The following RBM7 variants were observed in gnomAD, a reference collection of about 807,000 sequenced individuals.
RBM7 encodes RNA binding motif protein 7.
Under a neutral mutation model 31.0 loss-of-function variants are expected in RBM7, and 13 were observed. The ratio of observed to expected loss-of-function variants is 0.42; its 90% CI spans 0.27 to 0.67. The LOEUF is 0.67. Ranked by LOEUF, RBM7 falls within the 30% of genes least tolerant of loss-of-function variation. The pLI is 0.24. For missense variants in RBM7, 245 were observed against 326.2 expected (o/e 0.75, Z 1.92); for synonymous variants, 106 against 111.2 (o/e 0.95, Z 0.30).
intron 3 of RBM7, among the ~76,000 whole-genome samples, chr11:114,403,221 C>A (rs1946227524): frequency 6.6e-6 from 1 of 152,192 alleles, no homozygotes; most frequent in African/African-American, 2.4e-5. Context: ...AACAAAATTT[C>A]TCAAAACATT....
At position 114,400,685 on chromosome 11, in the gene RBM7, C is replaced by T. The variant is rs368320968; in HGVS notation, c.14C>T (p.Ala5Val). Residue 5 changes from alanine to valine, a missense_variant, in exon 1 of 5, where the codon GCG (alanine) becomes GTG (valine). Coordinates refer to ENST00000375490, the MANE Select transcript of RBM7 (RefSeq NM_001286045.2). ...GGCGACGCTGAGATGGGGGCGGCGG[C>T]GGCGGAAGCGGATCGCACTCTCTTT... MGAA[A>V]AEADRTLFVG... 3 of 1,614,206 alleles carry T rather than the reference C, an allele frequency of 1.9e-6. No homozygotes were observed. The highest frequency in any genetic ancestry group is 1.3e-5 in the African/African-American group (1 of 75,062).
At chr11:114,402,550 C>T (rs193078923) in intron 2 of RBM7, among the ~76,000 whole-genome samples, 14 of 151,536 alleles carry the variant, frequency 9.2e-5, no homozygotes, top group Non-Finnish European at 1.8e-4. Context: ...ATTACAGGTG[C>T]ACGCCACCAC....
rs1946312326 is a variant in RBM7 at position 114,409,557 on chromosome 11, TG to T, written c.*1754del. The T allele has an allele frequency of 6.6e-6, 1 of 152,036 alleles. No individual in the cohort carries two copies. The highest frequency in any genetic ancestry group is 6.6e-5 in the Admixed American group (1 of 15,256). The allele number at this position is 152,036 out of a possible 1,614,324, so 9.4% of individuals were successfully genotyped here. ...CTAGTTTTTGTATTTTTAGTAGAGA[TG>T]GGGTTTCACCACATTGGCCAGGCTG... On this transcript the variant is annotated 3_prime_UTR_variant, in exon 5 of 5. Coordinates refer to ENST00000375490, the MANE Select transcript of RBM7 (RefSeq NM_001286045.2).
chr11:114,410,371 A>G lies in RBM7; in HGVS notation c.*2564A>G, dbSNP rs571649663. The G allele has an allele frequency of 6.6e-6, 1 of 152,244 alleles. No individual in the cohort carries two copies. The highest frequency in any genetic ancestry group is 1.5e-5 in the Non-Finnish European group (1 of 68,020). 9.4% of individuals were successfully genotyped at this position (152,244 alleles called of 1,614,324 possible). Reference sequence around the variant, plus strand: ...CTTTATACTTAACCTAGTATTTTCTACCTTTCCCCATCTAAAATAAAATTT... The same window carrying G: ...CTTTATACTTAACCTAGTATTTTCTGCCTTTCCCCATCTAAAATAAAATTT... On this transcript the variant is annotated 3_prime_UTR_variant, in exon 5 of 5. Transcript: ENST00000375490.
intron 1 of RBM7, among the ~76,000 whole-genome samples, chr11:114,401,142 T>C (rs1304499005): frequency 6.6e-6 from 1 of 152,242 alleles, no homozygotes; most frequent in Non-Finnish European, 1.5e-5. Flanking sequence ...GGGAACTTAA[T>C]ATTTTAATTT....
In RBM7 at chr11:114,407,973, T is replaced by G. The variant is rs1946289227; in HGVS notation, c.*166T>G. 1 of 761,558 alleles carries G rather than the reference T, an allele frequency of 1.3e-6. No individual in the cohort carries two copies. Among genetic ancestry groups the G allele is most frequent in the African/African-American group, 1.8e-5 (1 of 56,994 alleles). 47.2% of individuals were successfully genotyped at this position (761,558 alleles called of 1,614,324 possible). On this transcript the variant is annotated 3_prime_UTR_variant, in exon 5 of 5. Coordinates refer to ENST00000375490, the MANE Select transcript of RBM7 (RefSeq NM_001286045.2). Reference sequence around the variant, plus strand: ...TTTAATACAAAATGAATTGCGGTTTTATTACATTAATAACCTTTCACCTCA... The same window carrying G: ...TTTAATACAAAATGAATTGCGGTTTGATTACATTAATAACCTTTCACCTCA...
rs553247657 is a variant in RBM7 at position 114,407,690 on chromosome 11, C to T, written c.687C>T (p.Tyr229=). 3.7e-6 allele frequency: 6 copies of T among 1,614,098 alleles called. No individual in the cohort carries two copies. The East Asian group carries it at 1.1e-4, about 30-fold the overall frequency. ...RYTDHGSDHH[Y]RGKRDDFFYE... Reference sequence around the variant, plus strand: ...CTGATCATGGGTCTGACCATCATTACAGAGGAAAGAGAGATGATTTCTTCT... The same window carrying T: ...CTGATCATGGGTCTGACCATCATTATAGAGGAAAGAGAGATGATTTCTTCT... Residue 229 remains tyrosine (Y), a synonymous_variant, in exon 5 of 5, where the codon TAC becomes TAT. Coordinates refer to ENST00000375490, the MANE Select transcript of RBM7 (RefSeq NM_001286045.2).
Position 114,407,498 on chromosome 11 carries a change from T to A in RBM7, c.495T>A (p.Pro165=). Residue 165 remains proline, a synonymous_variant, in exon 5 of 5, where the codon CCT becomes CCA. Coordinates refer to ENST00000375490, the MANE Select transcript of RBM7 (RefSeq NM_001286045.2). ...ATGGTGGAAAATTTGGTTCTTCACC[T>A]CTGGATCAATCAGGATTTTCACCAT... ...MSYGGKFGSS[P]LDQSGFSPSV... is the part of the protein sequence containing the mutation. 5.6e-6 allele frequency: 9 copies of A among 1,614,208 alleles called. No homozygotes were observed. Among genetic ancestry groups the A allele is most frequent in the Non-Finnish European group, 7.6e-6 (9 of 1,180,008 alleles).
Position 114,401,751 on chromosome 11 carries a change from G to C in RBM7, c.150G>C (p.Lys50Asn), listed in dbSNP as rs1305853073. 2.5e-6 allele frequency: 4 copies of C among 1,586,362 alleles called. No homozygotes were observed. The highest frequency in any genetic ancestry group is 3.4e-6 in the Non-Finnish European group (4 of 1,169,746). Residue 50 changes from lysine to asparagine, a missense_variant, in exon 2 of 5, where the codon AAG becomes AAC. Coordinates refer to ENST00000375490, the MANE Select transcript of RBM7 (RefSeq NM_001286045.2). ...KIPKDKDGKPKQFAFVNFKHE... is the reference protein window; with the variant it reads ...KIPKDKDGKPNQFAFVNFKHE... Reference sequence around the variant, plus strand: ...CAAAAGATAAGGATGGTAAACCAAAGCAGTTTGCGTTTGTGAATTTCAAAC... The same window carrying C: ...CAAAAGATAAGGATGGTAAACCAAACCAGTTTGCGTTTGTGAATTTCAAAC...
intron 4 of RBM7, chr11:114,406,001 C>G: frequency 2.1e-6 from 1 of 481,662 alleles, no homozygotes; most frequent in Non-Finnish European, 3.6e-6. Context: ...AGATTGAGCA[C>G]TCATTTTAGT....
At chr11:114,401,162 T>A (rs1946194673) in intron 1 of RBM7, among the ~76,000 whole-genome samples, 1 of 152,218 alleles carries the variant, frequency 6.6e-6, no homozygotes, top group Non-Finnish European at 1.5e-5. Flanking sequence ...TATTTGTGTC[T>A]GTTTTCCCCT....
Position 114,405,766 on chromosome 11 carries a change from C to G in RBM7, c.408C>G (p.Phe136Leu), listed in dbSNP as rs1466312246. ...TSSAQIIQRS[F>L]SSPENFQRQA... ...CAGCACAGATAATTCAGAGATCTTT[C>G]TCTTCTCCAGAAAATTTTCAGAGAC... Residue 136 changes from phenylalanine (F) to leucine (L), a missense_variant, in exon 4 of 5, where the codon TTC becomes TTG. By Grantham distance (22) the Phe-to-Leu change is conservative. Transcript: ENST00000375490. 1.2e-6 allele frequency: 2 copies of G among 1,606,610 alleles called. No individual in the cohort carries two copies. Among genetic ancestry groups the G allele is most frequent in the Admixed American group, 3.4e-5 (2 of 58,810 alleles).
chr11:114,402,103 A>G (rs1946210079), intron 2 of RBM7: 2 of 405,266 alleles, frequency 4.9e-6, no homozygotes, highest in African/African-American at 2.1e-5. Context: ...CATAAACTGT[A>G]TCACTAAGAG....
chr11:114,401,655 C>T (rs778699710), intron 1 of RBM7, 43 bp from the exon 2 acceptor site: 5 of 1,393,512 alleles, frequency 3.6e-6, no homozygotes, highest in East Asian at 2.7e-5. Context: ...AGTATTTTCC[C>T]TTAGTTGCTT....
chr11:114,401,213 A>G (rs1946195239), intron 1 of RBM7, among the ~76,000 whole-genome samples: 1 of 152,294 alleles, frequency 6.6e-6, no homozygotes, highest in Middle Eastern at 3.4e-3. Flanking sequence ...AAAATATGTA[A>G]AATAAAATGG....
chr11:114,402,382 CTTTTTTTTTTTTTTTTTTTTTTTTTTT>C (rs71063570), intron 2 of RBM7, among the ~76,000 whole-genome samples: 12 of 50,162 alleles, frequency 2.4e-4, no homozygotes, highest in East Asian at 1.8e-3. Flanking sequence ...GCTTGAGATT[CTTTTTTTTTTTTTTTTTTTTTTTTTTT>C]TTTTTTTTTT....
intron 3 of RBM7, among the ~76,000 whole-genome samples, chr11:114,405,150 A>G (rs1043068639): frequency 6.6e-5 from 10 of 152,198 alleles, no homozygotes; most frequent in African/African-American, 2.4e-4. Context: ...TTTTCAATCT[A>G]GGTCTTTGCA....
At chr11:114,400,828 C>T in intron 1 of RBM7, 61 bp downstream of exon 1, 1 of 1,577,822 alleles carries the variant, frequency 6.3e-7, no homozygotes, top group Non-Finnish European at 8.7e-7. Flanking sequence ...GCCTGGCCAG[C>T]GGCCACCCCG....
intron 2 of RBM7, chr11:114,402,294 G>A (rs1260588141): frequency 1.8e-5 from 3 of 162,340 alleles, no homozygotes; most frequent in Non-Finnish European, 3.9e-5. Context: ...GGATATTTAT[G>A]GAGTGCTTTG....
Sources: allele counts gnomAD v4.1 joint callset (sites outside exome capture counted in the v4.1 genomes callset), GRCh38; gene constraint gnomAD v4.1.1; transcripts MANE v1.5; gene names NCBI Gene and HGNC (gene_info 2026-07-23, HGNC 2026-07-21).